The following VPS8 variants were observed in gnomAD, a reference collection of about 807,000 sequenced individuals.
The protein encoded by VPS8 is vacuolar protein sorting-associated protein 8 homolog.
Under a neutral mutation model 216.4 loss-of-function variants are expected in VPS8, and 129 were observed. The observed-to-expected ratio is 0.60, with a 90% CI of 0.52 to 0.69. VPS8 has a LOEUF of 0.69. Ranked by LOEUF, VPS8 falls within the 30% of genes least tolerant of loss-of-function variation. The pLI is 0.00. For synonymous variants in VPS8, 571 were observed against 565.4 expected (o/e 1.01, Z -0.14); for missense variants, 1,531 against 1,683.5 (o/e 0.91, Z 1.59).
At chr3:184,925,072 T>C in intron 30 of VPS8, 91 bp downstream of exon 30, 1 of 1,479,138 alleles carries the variant, frequency 6.8e-7, no homozygotes, top group South Asian at 1.3e-5. Context: ...TGACAGACTA[T>C]TGGGTAAATA....
chr3:184,831,308 CAG>C (rs1325804537), intron 3 of VPS8, among the ~76,000 whole-genome samples: 2 of 152,130 alleles, frequency 1.3e-5, no homozygotes, highest in East Asian at 3.9e-4. Context: ...GCCTGGGTGA[CAG>C]GGAATGGTCA....
chr3:184,900,945 C>T lies in VPS8; in HGVS notation c.2119C>T (p.Pro707Ser). The change falls in exon 25 of 48, where the codon CCT becomes TCT. Residue 707 changes from proline to serine, a missense_variant. By Grantham distance (74) the Pro-to-Ser change is moderately conservative. This residue lies in a region of VPS8 where 1,318 missense variants were observed against 1,468.4 expected (regional missense o/e 0.90). Transcript: ENST00000625842. Reference sequence around the variant, plus strand: ...GAAACTTTTCAGAGTCATTGCTCCTCCTCTGAATGCAGGAAAAACACTAAC... The same window carrying T: ...GAAACTTTTCAGAGTCATTGCTCCTTCTCTGAATGCAGGAAAAACACTAAC... ...MEKLFRVIAP[P>S]LNAGKTLTDE... 6.2e-7 allele frequency: 1 copy of T among 1,607,176 alleles called. No individual in the cohort carries two copies. Among genetic ancestry groups the T allele is most frequent in the Non-Finnish European group, 8.5e-7 (1 of 1,178,500 alleles).
At position 184,930,579 on chromosome 3, in the gene VPS8, G is replaced by A. The variant is rs79953513; in HGVS notation, c.2898+11G>A. 0.014 allele frequency: 22,957 copies of A among 1,593,252 alleles called. 221 individuals are homozygous for A. Among genetic ancestry groups the A allele is most frequent in the Non-Finnish European group, 0.016 (18,230 of 1,161,694 alleles). ...ATGGATCATATTGAGGTACTGATGCGCAAAACTTCACACTTCACCATCTGA... is the reference window on the plus strand; with the variant it reads ...ATGGATCATATTGAGGTACTGATGCACAAAACTTCACACTTCACCATCTGA... On this transcript the variant is annotated intron_variant, in intron 34 of 47. Transcript: ENST00000625842.
intron 42 of VPS8, among the ~76,000 whole-genome samples, chr3:184,985,339 T>C (rs1226729626): frequency 6.6e-6 from 1 of 152,180 alleles, no homozygotes; most frequent in Non-Finnish European, 1.5e-5. Context: ...TATTATGTCA[T>C]GTGAGCTTTT....
intron 8 of VPS8, among the ~76,000 whole-genome samples, chr3:184,843,892 C>CTAT (rs1193112336): frequency 6.6e-6 from 1 of 152,166 alleles, no homozygotes; most frequent in Admixed American, 6.5e-5. Flanking sequence ...GGAATGAATA[C>CTAT]AGCTGACTCA....
chr3:184,981,482 G>A (rs9836034), intron 40 of VPS8, among the ~76,000 whole-genome samples: 2,491 of 142,542 alleles, frequency 0.017, 75 homozygotes, highest in African/African-American at 0.063. Flanking sequence ...TGCCCAGGCT[G>A]CAGTGCAATG....
chr3:184,981,561 G>A (rs929849241), intron 40 of VPS8, among the ~76,000 whole-genome samples: 2 of 151,134 alleles, frequency 1.3e-5, no homozygotes, highest in Non-Finnish European at 2.9e-5. Context: ...AGCCTCCTGA[G>A]TAGCTGGGAT....
intron 6 of VPS8, 80 bp from the exon 7 acceptor site, chr3:184,839,618 C>T: frequency 1.4e-6 from 2 of 1,389,382 alleles, no homozygotes; most frequent in Non-Finnish European, 2.0e-6. Context: ...TAGAGGAAGG[C>T]AGGCCAACAA....
intron 1 of VPS8, among the ~76,000 whole-genome samples, chr3:184,814,294 A>G (rs1323863117): frequency 6.6e-6 from 1 of 152,232 alleles, no homozygotes; most frequent in African/African-American, 2.4e-5. Context: ...CCTTTCTGCA[A>G]AGGACCAGTA....
intron 21 of VPS8, among the ~76,000 whole-genome samples, chr3:184,876,353 CTT>C (rs200594499): frequency 6.9e-6 from 1 of 145,266 alleles, no homozygotes; most frequent in Non-Finnish European, 1.5e-5. Flanking sequence ...GTTAAAAATG[CTT>C]TTTTTTTTTT....
rs149123589 is a variant in VPS8 at position 185,017,283 on chromosome 3, G to A, written c.4003-7053G>A. 8.0e-3 allele frequency among the ~76,000 whole-genome samples: 1,212 copies of A among 152,224 alleles called. 9 individuals are homozygous for A. Among genetic ancestry groups the A allele is most frequent in the Non-Finnish European group, 0.013 (883 of 68,018 alleles). ...AGCAGGTTGAATTGGCCACGTGGAC[G>A]GCCAGTGCTATAGAGAAATGATTGA... On this transcript the variant is annotated intron_variant, in intron 45 of 47. Coordinates refer to ENST00000625842, the MANE Select transcript of VPS8 (RefSeq NM_001009921.3).
intron 40 of VPS8, among the ~76,000 whole-genome samples, chr3:184,979,370 C>T (rs1206784891): frequency 5.3e-5 from 8 of 152,034 alleles, no homozygotes; most frequent in Admixed American, 2.6e-4. Context: ...TTTTCTGCCT[C>T]GATAATCTGT....
At chr3:185,009,380 T>C (rs1305810623) in intron 45 of VPS8, among the ~76,000 whole-genome samples, 2 of 152,120 alleles carry the variant, frequency 1.3e-5, no homozygotes, top group African/African-American at 2.4e-5. Flanking sequence ...TATTTAAAAA[T>C]ACATAATTAA....
intron 46 of VPS8, among the ~76,000 whole-genome samples, chr3:185,045,337 G>A (rs2108526371): frequency 6.6e-6 from 1 of 152,312 alleles, no homozygotes; most frequent in East Asian, 1.9e-4. Context: ...TTCTGTGACT[G>A]TCCGTGTCTT....
chr3:184,923,872 A>G (rs1739095809), intron 29 of VPS8, among the ~76,000 whole-genome samples: 2 of 151,964 alleles, frequency 1.3e-5, no homozygotes, highest in Non-Finnish European at 2.9e-5. Flanking sequence ...TATTCTTCTC[A>G]TTTCTTTTCA....
At chr3:185,050,020 T>C (rs1306246878) in intron 47 of VPS8, among the ~76,000 whole-genome samples, 3 of 151,958 alleles carry the variant, frequency 2.0e-5, no homozygotes, top group Non-Finnish European at 2.9e-5. Context: ...TCCAAGGAGG[T>C]TCTTCTGCTT....
intron 3 of VPS8, among the ~76,000 whole-genome samples, chr3:184,831,489 T>C (rs1470619977): frequency 6.6e-6 from 1 of 152,172 alleles, no homozygotes; most frequent in Non-Finnish European, 1.5e-5. Context: ...AGGCAGAAGG[T>C]AGTGCAGCTG....
At chr3:184,839,933 G>T in intron 7 of VPS8, 181 bp downstream of exon 7, 1 of 1,351,284 alleles carries the variant, frequency 7.4e-7, no homozygotes, top group Non-Finnish European at 9.5e-7. Context: ...TTGTTTTGCT[G>T]CTTATTGCAA....
intron 42 of VPS8, among the ~76,000 whole-genome samples, chr3:184,991,912 A>G (rs1751949876): frequency 6.6e-6 from 1 of 152,186 alleles, no homozygotes; most frequent in African/African-American, 2.4e-5. Context: ...TATGATCTCT[A>G]GCTGTGAAGT....
Sources: gnomAD v4.1 joint callset for allele counts (sites outside exome capture counted in the v4.1 genomes callset) on GRCh38, gnomAD v4.1.1 for gene constraint, gnomAD v4.1.1 regional missense constraint, MANE v1.5 for transcripts, NCBI Gene and HGNC (gene_info 2026-07-23, HGNC 2026-07-21) for gene names.